PIK3CB: variants seen among roughly 807,000 people sequenced by gnomAD.
PIK3CB encodes the protein phosphatidylinositol-4,5-bisphosphate 3-kinase catalytic subunit beta, also known as phosphatidylinositol 4,5-bisphosphate 3-kinase catalytic subunit beta isoform.
A neutral mutation model predicts 136.8 loss-of-function variants in PIK3CB; 39 were observed. The ratio of observed to expected loss-of-function variants is 0.29; its 90% CI spans 0.22 to 0.37. The LOEUF is 0.37. Among genes scored for constraint, PIK3CB ranks in the 10% least tolerant of loss-of-function variants. PIK3CB has a pLI of 1.00. For synonymous variants in PIK3CB, 428 were observed against 436.6 expected (o/e 0.98, Z 0.25); for missense variants, 868 against 1,275.4 (o/e 0.68, Z 4.87).
intron 1 of PIK3CB, among the ~76,000 whole-genome samples, chr3:138,801,852 A>T (rs2046179530): frequency 8.1e-6 from 1 of 122,776 alleles, no homozygotes; most frequent in Admixed American, 9.7e-5. Context: ...ACAGAGCAAG[A>T]CTCCATCTCA....
At chr3:138,719,635 T>C (rs914126031) in intron 8 of PIK3CB, among the ~76,000 whole-genome samples, 4 of 152,142 alleles carry the variant, frequency 2.6e-5, no homozygotes, top group African/African-American at 9.7e-5. Context: ...TTACTTTGTT[T>C]CTCTAAATAA....
chr3:138,657,289 T>G (rs1215089529), intron 22 of PIK3CB: 1 of 161,710 alleles, frequency 6.2e-6, no homozygotes, highest in Non-Finnish European at 1.3e-5. Flanking sequence ...GTATTATGCT[T>G]GGGAACATGT....
intron 16 of PIK3CB, among the ~76,000 whole-genome samples, chr3:138,687,228 CAAA>C (rs11288177): frequency 4.9e-4 from 70 of 142,426 alleles, no homozygotes; most frequent in South Asian, 1.5e-3. Context: ...ATTCATCAAT[CAAA>C]AAAAAAAAAA....
At chr3:138,815,162 A>AAAATATAT (rs1553743711) in intron 1 of PIK3CB, among the ~76,000 whole-genome samples, 3 of 62,484 alleles carry the variant, frequency 4.8e-5, no homozygotes, top group African/African-American at 6.5e-5. Context: ...AAAAAAAAAA[A>AAAATATAT]ATATATATAT....
chr3:138,813,064 A>G (rs1341893870), intron 1 of PIK3CB, among the ~76,000 whole-genome samples: 1 of 152,182 alleles, frequency 6.6e-6, no homozygotes, highest in East Asian at 1.9e-4. Context: ...AGGATAATGG[A>G]TTCCTCTGTA....
rs902854177 is a variant in PIK3CB at position 138,704,462 on chromosome 3, C to T, written c.1562G>A (p.Ser521Asn). The T allele has an allele frequency of 6.2e-7, 1 of 1,608,260 alleles. No individual in the cohort carries two copies. The highest frequency in any genetic ancestry group is 1.7e-5 in the Admixed American group (1 of 60,006). The change falls in exon 12 of 24, where the codon AGT becomes AAT. Residue 521 changes from serine (S) to asparagine (N), a missense_variant. Around this residue, in one of 4 missense-constraint regions of PIK3CB, gnomAD observed 612 missense variants for 801.1 expected, o/e 0.76. Transcript: ENST00000674063. Reference sequence around the variant, plus strand: ...ACTTACTGACACATTAGCACTATCACTGCTTGCAATCTCAGCTGCCTTTTC... The same window carrying T: ...ACTTACTGACACATTAGCACTATCATTGCTTGCAATCTCAGCTGCCTTTTC... ...IIEKAAEIAS[S>N]DSANVSSRGG...
intron 7 of PIK3CB, among the ~76,000 whole-genome samples, chr3:138,734,260 CATA>C (rs2045053573): frequency 1.3e-5 from 2 of 152,054 alleles, no homozygotes; most frequent in South Asian, 4.1e-4. Flanking sequence ...AAAATACTAC[CATA>C]GTTAAGCTGA....
chr3:138,708,146 T>C (rs1000844443), intron 10 of PIK3CB, among the ~76,000 whole-genome samples: 2 of 152,154 alleles, frequency 1.3e-5, no homozygotes, highest in Non-Finnish European at 2.9e-5. Context: ...GTCCATAAAG[T>C]ATGCACACTC....
chr3:138,750,659 G>C (rs1003200956), intron 4 of PIK3CB, among the ~76,000 whole-genome samples: 1 of 152,120 alleles, frequency 6.6e-6, no homozygotes, highest in Non-Finnish European at 1.5e-5. Flanking sequence ...CCTGCTAACT[G>C]AAACTTTGTA....
intron 2 of PIK3CB, among the ~76,000 whole-genome samples, chr3:138,760,592 A>C (rs1454808732): frequency 6.6e-6 from 1 of 152,222 alleles, no homozygotes; most frequent in Non-Finnish European, 1.5e-5. Context: ...CAATTATGCC[A>C]TTAATGAAAG....
chr3:138,708,441 G>T (rs2108564614), intron 10 of PIK3CB, among the ~76,000 whole-genome samples: 1 of 150,658 alleles, frequency 6.6e-6, no homozygotes, highest in African/African-American at 2.4e-5. Flanking sequence ...TTTAATTTTT[G>T]GTAGAGACAG....
intron 1 of PIK3CB, among the ~76,000 whole-genome samples, chr3:138,828,954 A>ATTTTTTTTTTT (rs34176247): frequency 4.6e-5 from 6 of 130,848 alleles, no homozygotes; most frequent in African/African-American, 1.4e-4. Context: ...CACCAGGCTA[A>ATTTTTTTTTTT]TTTTTTTTTT....
intron 2 of PIK3CB, among the ~76,000 whole-genome samples, chr3:138,765,626 T>C (rs2045723085): frequency 6.7e-6 from 1 of 149,712 alleles, no homozygotes; most frequent in African/African-American, 2.5e-5. Flanking sequence ...GGGGATCACT[T>C]GAGCACATGA....
At position 138,707,518 on chromosome 3, in the gene PIK3CB, T is replaced by C. The variant is rs1258907691; in HGVS notation, c.1400-229A>G. The C allele has an allele frequency of 3.9e-6, 5 of 1,293,370 alleles. No homozygotes were observed. The African/African-American group carries it at 4.6e-5, about 12-fold the overall frequency. The allele number at this position is 1,293,370 out of a possible 1,614,324, so 80.1% of individuals were successfully genotyped here. On this transcript the variant is annotated intron_variant, in intron 10 of 23. Coordinates refer to ENST00000674063, the MANE Select transcript of PIK3CB (RefSeq NM_006219.3). Reference sequence around the variant, plus strand: ...AAATGAGAAAGTTAACAAAACTGAATGACTACTTTACCTCTTAATTCAAAT... The same window carrying C: ...AAATGAGAAAGTTAACAAAACTGAACGACTACTTTACCTCTTAATTCAAAT...
At position 138,759,287 on chromosome 3, in the gene PIK3CB, C is replaced by A. The variant is rs140860592; in HGVS notation, c.57G>T (p.Ala19=). ...PAMADILDIW[A]VDSQIASDGS... ...CATCAGATGCTATCTGTGAATCCACCGCCCAGATGTCAAGGATGTCTGCCA... is the reference window on the plus strand; with the variant it reads ...CATCAGATGCTATCTGTGAATCCACAGCCCAGATGTCAAGGATGTCTGCCA... The change falls in exon 3 of 24, where the codon GCG becomes GCT. Residue 19 remains alanine, a synonymous_variant. Transcript: ENST00000674063. The A allele has an allele frequency of 6.2e-7, 1 of 1,612,446 alleles. No homozygotes were observed. The highest frequency in any genetic ancestry group is 1.1e-5 in the South Asian group (1 of 90,974).
intron 8 of PIK3CB, among the ~76,000 whole-genome samples, chr3:138,721,264 G>A (rs1305749082): frequency 6.6e-6 from 1 of 152,092 alleles, no homozygotes; most frequent in Admixed American, 6.5e-5. Flanking sequence ...CTGGGTTCAA[G>A]CAATTCTCCT....
intron 19 of PIK3CB, among the ~76,000 whole-genome samples, chr3:138,665,623 T>C (rs1053039967): frequency 6.6e-6 from 1 of 152,230 alleles, no homozygotes; most frequent in African/African-American, 2.4e-5. Flanking sequence ...TCCGTCCTTC[T>C]GGTGGCACCA....
chr3:138,810,257 G>A (rs1008770190), intron 1 of PIK3CB, among the ~76,000 whole-genome samples: 1 of 152,126 alleles, frequency 6.6e-6, no homozygotes, highest in Non-Finnish European at 1.5e-5. Flanking sequence ...AATACTTTGT[G>A]TAGATACACC....
chr3:138,813,238 G>C (rs925836008), intron 1 of PIK3CB, among the ~76,000 whole-genome samples: 1 of 152,036 alleles, frequency 6.6e-6, no homozygotes, highest in Admixed American at 6.6e-5. Flanking sequence ...GAATCCCTCT[G>C]CTCTACCCCA....
Sources: allele counts gnomAD v4.1 joint callset (sites outside exome capture counted in the v4.1 genomes callset), GRCh38; gene constraint gnomAD v4.1.1; regional missense constraint gnomAD v4.1.1; transcripts MANE v1.5; gene names NCBI Gene and HGNC (gene_info 2026-07-23, HGNC 2026-07-21).